Variants in CDC42 observed in about 807,000 individuals in gnomAD.
The protein encoded by CDC42 is cell division control protein 42 homolog.
In CDC42, 1 loss-of-function variant was observed where a neutral mutation model predicts 20.8. The observed-to-expected ratio is 0.05, with a 90% CI of 0.02 to 0.23. CDC42 has a LOEUF of 0.23. Ranked by LOEUF, CDC42 falls within the 10% of genes least tolerant of loss-of-function variation. The pLI is 1.00. For missense variants in CDC42, 49 were observed against 227.9 expected, an observed-to-expected ratio of 0.21 and a Z score of 5.05; for synonymous variants, 72 against 84.8, an observed-to-expected ratio of 0.85 and a Z score of 0.83.
intron 3 of CDC42, among the ~76,000 whole-genome samples, chr1:22,082,692 A>G (rs909976208): frequency 2.6e-5 from 4 of 152,172 alleles, no homozygotes; most frequent in Admixed American, 6.5e-5. Flanking sequence ...ACGAGGAACT[A>G]TTTGGATTTA....
chr1:22,063,682 T>C (rs891739610), intron 1 of CDC42, among the ~76,000 whole-genome samples: 2 of 152,208 alleles, frequency 1.3e-5, no homozygotes, highest in Admixed American at 6.5e-5. Context: ...TTAACAGTTA[T>C]GTGCTTTTAA....
intron 5 of CDC42, among the ~76,000 whole-genome samples, chr1:22,089,062 T>C (rs1275798767): frequency 6.6e-6 from 1 of 152,114 alleles, no homozygotes; most frequent in Admixed American, 6.6e-5. Flanking sequence ...TCTGGGACTT[T>C]TAGGACATAT....
intron 1 of CDC42, among the ~76,000 whole-genome samples, chr1:22,067,367 A>C (rs2152828215): frequency 1.3e-5 from 2 of 152,010 alleles, no homozygotes. Flanking sequence ...TCTGTTTCCC[A>C]GGCTGGAGTG....
chr1:22,058,447 A>C (rs1328112740), intron 1 of CDC42, among the ~76,000 whole-genome samples: 4 of 151,284 alleles, frequency 2.6e-5, no homozygotes, highest in Non-Finnish European at 4.4e-5. Context: ...GAATTGCCTC[A>C]TGTCTGCCCA....
In CDC42 at chr1:22,095,512, G is replaced by A. The variant is rs1160710792; in HGVS notation, c.*3995G>A. ...TCTCGATCTCCTGACCTCGTGATCCGCCCGCCTTGGCCTCCCAAAGTGCTA... is the reference window on the plus strand; with the variant it reads ...TCTCGATCTCCTGACCTCGTGATCCACCCGCCTTGGCCTCCCAAAGTGCTA... On this transcript the variant is annotated 3_prime_UTR_variant, in exon 6 of 6. Transcript: ENST00000656825. Among the ~76,000 whole-genome samples the A allele has an allele frequency of 6.6e-6, 1 of 152,122 alleles. No individual in the cohort carries two copies. The highest frequency in any genetic ancestry group is 2.4e-5 in the African/African-American group (1 of 41,498).
chr1:22,071,485 A>G lies in CDC42; in HGVS notation c.-50-6944A>G, dbSNP rs372879241. 8.5e-5 allele frequency among the ~76,000 whole-genome samples: 13 copies of G among 152,368 alleles called. No homozygotes were observed. The East Asian group carries it at 2.5e-3, about 29-fold the overall frequency. On this transcript the variant is annotated intron_variant, in intron 1 of 5. Transcript: ENST00000656825. The stretch of plus-strand genomic sequence containing the variant: ...GCATACGTGTGTGAATGCATGGAAT[A>G]CATTGCTGTGGTTTGAGTACTTTTG...
At chr1:22,081,834 C>A in intron 3 of CDC42, 40 bp downstream of exon 3, 2 of 1,281,092 alleles carry the variant, frequency 1.6e-6, no homozygotes, top group South Asian at 1.2e-5. Context: ...TGATCTTTAA[C>A]AGTTGCTAGT....
In CDC42 at chr1:22,096,048, C is replaced by T. The variant is rs565302742; in HGVS notation, c.*4531C>T. ...CATCTCCGCTCACTGCAACCTCCAC[C>T]TCCCAGGTTCACATGATTCTCCTGC... On this transcript the variant is annotated 3_prime_UTR_variant, in exon 6 of 6. Transcript: ENST00000656825. Among the ~76,000 whole-genome samples the T allele has an allele frequency of 6.6e-6, 1 of 152,216 alleles. No homozygotes were observed. Among genetic ancestry groups the T allele is most frequent in the Admixed American group, 6.5e-5 (1 of 15,300 alleles).
intron 2 of CDC42, among the ~76,000 whole-genome samples, chr1:22,080,383 C>A (rs1333975515): frequency 3.3e-5 from 5 of 152,132 alleles, no homozygotes; most frequent in African/African-American, 1.2e-4. Flanking sequence ...TTTCTTTGTT[C>A]CTGTTTTTAA....
At chr1:22,078,943 C>T (rs1645579743) in intron 2 of CDC42, 18 of 888,320 alleles carry the variant, frequency 2.0e-5, no homozygotes, top group Admixed American at 4.4e-5. Context: ...TTGGAGGTCT[C>T]CTGGGATACC....
At chr1:22,058,008 G>A (rs907524782) in intron 1 of CDC42, among the ~76,000 whole-genome samples, 43 of 152,232 alleles carry the variant, frequency 2.8e-4, no homozygotes, top group African/African-American at 9.4e-4. Context: ...ATTAACAGGC[G>A]TGAGCCGCTG....
Position 22,100,313 on chromosome 1 carries a change from C to T in CDC42, c.*8796C>T, listed in dbSNP as rs1645782350. On this transcript the variant is annotated 3_prime_UTR_variant, in exon 6 of 6. Coordinates refer to ENST00000656825, the MANE Select transcript of CDC42 (RefSeq NM_001791.4). Reference sequence around the variant, plus strand: ...TTGTATTAGTGATTTCACTTGACCTCAGTACAACTCTGTAAAAGAGGCAGG... The same window carrying T: ...TTGTATTAGTGATTTCACTTGACCTTAGTACAACTCTGTAAAAGAGGCAGG... Among the ~76,000 whole-genome samples, 1 of 152,120 alleles carries T rather than the reference C, an allele frequency of 6.6e-6. No homozygotes were observed. Among genetic ancestry groups the T allele is most frequent in the South Asian group, 2.1e-4 (1 of 4,822 alleles).
chr1:22,072,709 T>G (rs1178997002), intron 1 of CDC42, among the ~76,000 whole-genome samples: 1 of 152,162 alleles, frequency 6.6e-6, no homozygotes, highest in Non-Finnish European at 1.5e-5. Context: ...ACCGCCACCC[T>G]GTCACTTTAT....
In CDC42 at chr1:22,097,720, T is replaced by TA. The variant is rs1037619029; in HGVS notation, c.*6204dup. Among the ~76,000 whole-genome samples, 93 of 152,338 alleles carry TA rather than the reference T, an allele frequency of 6.1e-4. No homozygotes were observed. The highest frequency in any genetic ancestry group is 2.1e-3 in the African/African-American group (87 of 41,576). ...TCTGTGAAGTTAGACACTTGCCTCTTAGAGGCATATCCAGTGAGTCTTTAA... is the reference window on the plus strand; with the variant it reads ...TCTGTGAAGTTAGACACTTGCCTCTTAAGAGGCATATCCAGTGAGTCTTTAA... On this transcript the variant is annotated 3_prime_UTR_variant, in exon 6 of 6. Coordinates refer to ENST00000656825, the MANE Select transcript of CDC42 (RefSeq NM_001791.4).
At chr1:22,065,107 A>G (rs2501269) in intron 1 of CDC42, among the ~76,000 whole-genome samples, 144,090 of 152,318 alleles carry the variant, frequency 0.95, 68,246 homozygotes, top group East Asian at 1. Context: ...TACAAAGGAA[A>G]CGAGGCTTAA....
Position 22,078,386 on chromosome 1 carries a change from A to G in CDC42, c.-50-43A>G, listed in dbSNP as rs76851854. The G allele has an allele frequency of 4.3e-4, 400 of 933,014 alleles. 1 individual carries two copies. The African/African-American group carries it at 5.4e-3, about 13-fold the overall frequency. 57.8% of individuals were successfully genotyped at this position (933,014 alleles called of 1,614,324 possible). On this transcript the variant is annotated intron_variant, in intron 1 of 5. Coordinates refer to ENST00000656825, the MANE Select transcript of CDC42 (RefSeq NM_001791.4). ...GTTGCTAAGTGAGGAAGAAAAATCCATATGTAAGTATAAATAAACAAATGT... is the reference window on the plus strand; with the variant it reads ...GTTGCTAAGTGAGGAAGAAAAATCCGTATGTAAGTATAAATAAACAAATGT...
intron 1 of CDC42, among the ~76,000 whole-genome samples, chr1:22,070,287 G>A (rs1488507862): frequency 6.6e-6 from 1 of 151,966 alleles, no homozygotes; most frequent in Non-Finnish European, 1.5e-5. Flanking sequence ...TGTACTTTAT[G>A]TTCTTAGCTC....
chr1:22,062,730 TAAAAAAAAAAAA>T (rs531472151), intron 1 of CDC42, among the ~76,000 whole-genome samples: 24 of 69,424 alleles, frequency 3.5e-4, no homozygotes, highest in African/African-American at 1.1e-3. Flanking sequence ...TGGCTCTATT[TAAAAAAAAAAAA>T]AAAAAAAAAA....
intron 1 of CDC42, among the ~76,000 whole-genome samples, chr1:22,074,844 A>C (rs1645531663): frequency 6.6e-6 from 1 of 152,234 alleles, no homozygotes; most frequent in African/African-American, 2.4e-5. Context: ...GCTTAATAGA[A>C]GAGCTGAGGA....
Sources: allele counts gnomAD v4.1 joint callset (sites outside exome capture counted in the v4.1 genomes callset), GRCh38; gene constraint gnomAD v4.1.1; transcripts MANE v1.5; gene names NCBI Gene and HGNC (gene_info 2026-07-23, HGNC 2026-07-21).